The following NSD1 variants were observed in gnomAD, a reference collection of about 807,000 sequenced individuals.
The protein encoded by NSD1 is histone-lysine N-methyltransferase, H3 lysine-36 specific.
NSD1 carries 26 observed loss-of-function variants against 242.7 expected under a neutral mutation model. That is an observed-to-expected ratio of 0.11 (90% CI 0.08 to 0.15). NSD1 has a LOEUF of 0.15. NSD1 is among the 10% of genes least tolerant of loss of function. The pLI is 1.00. For synonymous variants in NSD1, 1,106 were observed against 1,178.1 expected, an observed-to-expected ratio of 0.94 and a Z score of 1.25; for missense variants, 2,495 against 3,272.8, an observed-to-expected ratio of 0.76 and a Z score of 5.80.
At chr5:177,222,804 A>T (rs1445914060) in intron 5 of NSD1, among the ~76,000 whole-genome samples, 7 of 152,106 alleles carry the variant, frequency 4.6e-5, no homozygotes, top group Admixed American at 4.6e-4. Flanking sequence ...TGATACACAC[A>T]TATTTTCTCC....
chr5:177,222,786 G>T (rs1764338573), intron 5 of NSD1, among the ~76,000 whole-genome samples: 1 of 151,470 alleles, frequency 6.6e-6, no homozygotes, highest in Non-Finnish European at 1.5e-5. Context: ...CTATTCTTTG[G>T]GTTTATTTGA....
At chr5:177,247,763 A>T (rs1037655973) in intron 10 of NSD1, among the ~76,000 whole-genome samples, 1 of 152,200 alleles carries the variant, frequency 6.6e-6, no homozygotes, top group African/African-American at 2.4e-5. Flanking sequence ...AACTCAGGTT[A>T]AAAGAGAGAA....
At chr5:177,277,762 C>G (rs1758516242) in intron 17 of NSD1, among the ~76,000 whole-genome samples, 1 of 152,092 alleles carries the variant, frequency 6.6e-6, no homozygotes. Flanking sequence ...CCTGAATCAC[C>G]TGAGCCTGGA....
At chr5:177,208,493 CT>C (rs955310925) in intron 4 of NSD1, among the ~76,000 whole-genome samples, 22 of 145,580 alleles carry the variant, frequency 1.5e-4, no homozygotes, top group South Asian at 4.4e-4. Context: ...TTTTCTTTTT[CT>C]TTTTTTTTTC....
chr5:177,256,532 C>T (rs1417014224), intron 12 of NSD1, among the ~76,000 whole-genome samples: 3 of 152,302 alleles, frequency 2.0e-5, no homozygotes, highest in East Asian at 1.9e-4. Context: ...AGCCACTCAC[C>T]TCAGCCTCCT....
chr5:177,212,913 G>T (rs905552222), intron 5 of NSD1, among the ~76,000 whole-genome samples: 3 of 152,166 alleles, frequency 2.0e-5, no homozygotes, highest in African/African-American at 7.2e-5. Context: ...ACAGGCGTGA[G>T]CCACTGCATC....
At position 177,295,971 on chromosome 5, in the gene NSD1, C is replaced by T. The variant is rs1355387296; in HGVS notation, c.*512C>T. The stretch of plus-strand genomic sequence containing the variant: ...AGATACAGGCCTCATCCCTGTGAGC[C>T]TGGATTCCAAGGCTTTCAGGAACCT... On this transcript the variant is annotated 3_prime_UTR_variant, in exon 23 of 23. Transcript: ENST00000439151. This position sits in a 1 kb window ranked among gnomAD's most constrained non-coding sequence, Gnocchi z 4.3. 2 of 264,052 alleles carry T rather than the reference C, an allele frequency of 7.6e-6. No individual in the cohort carries two copies. The highest frequency in any genetic ancestry group is 1.5e-5 in the Non-Finnish European group (2 of 135,014). The allele number at this position is 264,052 out of a possible 1,614,324, so 16.4% of individuals were successfully genotyped here.
intron 5 of NSD1, among the ~76,000 whole-genome samples, chr5:177,216,817 G>A (rs889824678): frequency 2.0e-5 from 3 of 151,538 alleles, no homozygotes; most frequent in African/African-American, 7.3e-5. Context: ...CCACCACCCT[G>A]GCCAGGGATC....
At chr5:177,174,129 G>A (rs6861351) in intron 2 of NSD1, among the ~76,000 whole-genome samples, 5 of 152,038 alleles carry the variant, frequency 3.3e-5, no homozygotes, top group Non-Finnish European at 5.9e-5. Flanking sequence ...CACTTTGGGA[G>A]TCCGAGGCGG....
chr5:177,232,263 TAA>T (rs758907249), intron 5 of NSD1, among the ~76,000 whole-genome samples: 6 of 152,226 alleles, frequency 3.9e-5, no homozygotes, highest in Non-Finnish European at 5.9e-5. Flanking sequence ...GAAGTGTTTG[TAA>T]AGTGGTTTTG....
intron 2 of NSD1, among the ~76,000 whole-genome samples, chr5:177,159,001 T>TATATATATATATATGAATG (rs1372450800): frequency 0.014 from 299 of 22,076 alleles, 5 homozygotes; most frequent in African/African-American, 0.036. Context: ...AATGATTTTA[T>TATATATATATATATGAATG]ATATATATAT....
chr5:177,252,388 G>A (rs76406906), intron 12 of NSD1, among the ~76,000 whole-genome samples: 7,396 of 152,038 alleles, frequency 0.049, 201 homozygotes, highest in South Asian at 0.081. Flanking sequence ...GTACTTTATG[G>A]TGTGTACATT....
intron 2 of NSD1, among the ~76,000 whole-genome samples, chr5:177,182,658 A>G (rs1262135521): frequency 2.0e-5 from 3 of 151,734 alleles, no homozygotes; most frequent in Non-Finnish European, 4.4e-5. Flanking sequence ...ATTTTTTCAA[A>G]TGGGATCTCG....
intron 3 of NSD1, among the ~76,000 whole-genome samples, chr5:177,201,161 A>G (rs903661333): frequency 3.9e-5 from 6 of 152,072 alleles, no homozygotes. Context: ...TGCTGGGATT[A>G]TAGGTGTGAG....
rs764289313 is a variant in NSD1, at chr5:177,280,660, G to A, written c.5718G>A (p.Gly1906=). 9.3e-6 allele frequency: 15 copies of A among 1,614,044 alleles called. No homozygotes were observed. The South Asian group carries it at 1.5e-4, about 17-fold the overall frequency. The change falls in exon 18 of 23, where the codon GGG becomes GGA. Residue 1906 remains glycine (G), a synonymous_variant. Transcript: ENST00000439151. ...NCKATDENPC[G]IDSECINRML... is the part of the protein sequence containing the mutation. ...AAGCTACTGATGAGAACCCCTGTGG[G>A]ATAGACTCTGAATGCATCAACCGCA...
chr5:177,249,363 C>T (rs981349246), intron 11 of NSD1, among the ~76,000 whole-genome samples: 2 of 151,928 alleles, frequency 1.3e-5, no homozygotes, highest in African/African-American at 4.8e-5. Flanking sequence ...TGGCTCATAC[C>T]TGTAGCCCAA....
At chr5:177,133,040 T>G (rs986542072), upstream of NSD1, 1 of 153,310 alleles carries the variant, frequency 6.5e-6, no homozygotes, top group Non-Finnish European at 1.5e-5. This position sits in a 1 kb window ranked among gnomAD's most constrained non-coding sequence, Gnocchi z 6.2. Flanking sequence ...CAGCTTGGTC[T>G]GTGGTGGTGG....
At chr5:177,217,084 T>C (rs1364034572) in intron 5 of NSD1, among the ~76,000 whole-genome samples, 1 of 152,096 alleles carries the variant, frequency 6.6e-6, no homozygotes, top group Non-Finnish European at 1.5e-5. Context: ...GCATTGACTT[T>C]AGTTTCCTTT....
rs577437686 is a variant in NSD1, at chr5:177,266,568, C to G, written c.5147-994C>G. 1.0e-5 allele frequency: 7 copies of G among 694,936 alleles called. No individual in the cohort carries two copies. In the African/African-American group the frequency reaches 1.3e-4, roughly 13 times the overall value. The allele number at this position is 694,936 out of a possible 1,614,324, so 43.0% of individuals were successfully genotyped here. ...CACAGGACACCTCCATGATGCAGTT[C>G]ACGACCTCGGCGGCCGCCATCTTCA... On this transcript the variant is annotated intron_variant, in intron 14 of 22. Transcript: ENST00000439151.
Sources: allele counts gnomAD v4.1 joint callset (sites outside exome capture counted in the v4.1 genomes callset), GRCh38; gene constraint gnomAD v4.1.1; non-coding constraint Gnocchi (gnomAD v3.1); transcripts MANE v1.5; gene names NCBI Gene and HGNC (gene_info 2026-07-23, HGNC 2026-07-21).